The following GLI2 variants were observed in gnomAD, a reference collection of about 807,000 sequenced individuals.
The protein encoded by GLI2 is transcription activator GLI2.
In GLI2, 22 loss-of-function variants were observed where a neutral mutation model predicts 78.9. The observed-to-expected ratio is 0.28, with a 90% confidence interval of 0.20 to 0.40. The LOEUF is 0.40. GLI2 is among the 10% of genes least tolerant of loss of function. The probability of loss-of-function intolerance (pLI) is 1.00; values close to 1 mark genes in which losing one functional copy is unlikely to be tolerated. For synonymous variants in GLI2, 974 were observed against 963.7 expected, an observed-to-expected ratio of 1.01 and a Z score of -0.20; for missense variants, 2,097 against 2,213.2, an observed-to-expected ratio of 0.95 and a Z score of 1.05.
intron 4 of GLI2, 119 bp from the exon 5 acceptor site, chr2:120,955,118 AGAAACCCC>A (rs1231472635): frequency 5.7e-6 from 4 of 704,658 alleles, no homozygotes; most frequent in Middle Eastern, 3.6e-4. Flanking sequence ...TGCCGAGGAG[AGAAACCCC>A]GACACCAGGT....
intron 5 of GLI2, among the ~76,000 whole-genome samples, 161 bp from the exon 6 acceptor site, chr2:120,968,553 G>A (rs187231304): frequency 7.2e-4 from 109 of 152,300 alleles, no homozygotes; most frequent in African/African-American, 2.6e-3. Flanking sequence ...AACTGAGGCC[G>A]AGAGGTGACA....
At chr2:120,854,177 C>T (rs959164103) in intron 2 of GLI2, among the ~76,000 whole-genome samples, 1 of 152,130 alleles carries the variant, frequency 6.6e-6, no homozygotes, top group Non-Finnish European at 1.5e-5. Context: ...AGGGCAGGGC[C>T]GGGAGTCAAG....
intron 1 of GLI2, among the ~76,000 whole-genome samples, chr2:120,753,938 A>G (rs1027584729): frequency 2.0e-5 from 3 of 150,396 alleles, no homozygotes; most frequent in African/African-American, 7.3e-5. Flanking sequence ...AAAAACAACT[A>G]TTTCCTCTGC....
At chr2:120,832,574 C>G (rs1241502204) in intron 2 of GLI2, among the ~76,000 whole-genome samples, 1 of 152,192 alleles carries the variant, frequency 6.6e-6, no homozygotes, top group Non-Finnish European at 1.5e-5. Flanking sequence ...CCTCTCCCAC[C>G]CCCAGCCCAG....
chr2:120,795,947 T>C (rs1684370909), intron 1 of GLI2, among the ~76,000 whole-genome samples: 1 of 151,976 alleles, frequency 6.6e-6, no homozygotes, highest in Non-Finnish European at 1.5e-5. Context: ...TACTCAGGAT[T>C]GCAGGAGAAT....
intron 2 of GLI2, among the ~76,000 whole-genome samples, chr2:120,880,022 G>T (rs1305060049): frequency 1.3e-5 from 2 of 152,152 alleles, no homozygotes; most frequent in African/African-American, 4.8e-5. Context: ...GGAATAAATC[G>T]GTGTGGCCAG....
intron 2 of GLI2, among the ~76,000 whole-genome samples, chr2:120,892,397 C>T (rs575098408): frequency 6.6e-6 from 1 of 152,280 alleles, no homozygotes; most frequent in South Asian, 2.1e-4. Flanking sequence ...CTCTGTCTGC[C>T]CCTTGGAAAA....
At chr2:120,819,565 C>A (rs967722052) in intron 2 of GLI2, among the ~76,000 whole-genome samples, 1 of 152,092 alleles carries the variant, frequency 6.6e-6, no homozygotes, top group South Asian at 2.1e-4. Context: ...TATCCACCCT[C>A]GTTTTTAATC....
At chr2:120,893,361 G>A (rs1399294603) in intron 2 of GLI2, among the ~76,000 whole-genome samples, 1 of 151,892 alleles carries the variant, frequency 6.6e-6, no homozygotes, top group African/African-American at 2.4e-5. Context: ...TGGGGTATGT[G>A]TGTGGCTCTG....
intron 2 of GLI2, among the ~76,000 whole-genome samples, chr2:120,849,125 G>A (rs1043554502): frequency 8.5e-5 from 13 of 152,286 alleles, no homozygotes; most frequent in African/African-American, 3.1e-4. Context: ...AGGCCCCTAG[G>A]GTAGTCAAAT....
intron 1 of GLI2, among the ~76,000 whole-genome samples, chr2:120,765,471 T>C (rs1265492241): frequency 6.6e-6 from 1 of 152,068 alleles, no homozygotes; most frequent in Non-Finnish European, 1.5e-5. Context: ...GAAGGCCTGG[T>C]GTTGGGAGAG....
intron 1 of GLI2, among the ~76,000 whole-genome samples, chr2:120,768,375 G>T (rs570762411): frequency 1.3e-5 from 2 of 152,348 alleles, no homozygotes; most frequent in South Asian, 2.1e-4. Flanking sequence ...GACTTTCCAT[G>T]GGAAGGTGGG....
intron 2 of GLI2, among the ~76,000 whole-genome samples, chr2:120,916,187 A>G (rs567750965): frequency 1.3e-5 from 2 of 152,304 alleles, no homozygotes; most frequent in South Asian, 4.2e-4. Context: ...AGAAACCCCG[A>G]TATCAGGGCT....
In GLI2 at chr2:120,736,003, A is replaced by G. The variant is rs1682336697; in HGVS notation, c.-313A>G. Among the ~76,000 whole-genome samples, 1 of 151,770 alleles carries G rather than the reference A, an allele frequency of 6.6e-6. No individual in the cohort carries two copies. Among genetic ancestry groups the G allele is most frequent in the Non-Finnish European group, 1.5e-5 (1 of 67,920 alleles). On this transcript the variant is annotated 5_prime_UTR_variant, in exon 1 of 14. Transcript: ENST00000361492. ...CGGCTGCGACTGCGAACGCGGAGGA[A>G]GGCCAGGAGCCGCAGGAGGAGCCGG...
chr2:120,836,530 A>C (rs1686620071), intron 2 of GLI2, among the ~76,000 whole-genome samples: 1 of 152,154 alleles, frequency 6.6e-6, no homozygotes, highest in Non-Finnish European at 1.5e-5. Context: ...CATTGTTGCC[A>C]TGGGTGGCAC....
intron 2 of GLI2, among the ~76,000 whole-genome samples, chr2:120,821,902 C>T (rs993843430): frequency 6.6e-5 from 10 of 152,298 alleles, no homozygotes; most frequent in African/African-American, 2.4e-4. Context: ...GGGCTGCCAC[C>T]CGAGGCCCCC....
intron 9 of GLI2, among the ~76,000 whole-genome samples, chr2:120,977,718 C>T (rs907879079): frequency 2.0e-5 from 3 of 152,204 alleles, no homozygotes. Flanking sequence ...TGTCCCAACT[C>T]ACTTGCCTGG....
chr2:120,775,188 T>C (rs1172786615), intron 1 of GLI2, among the ~76,000 whole-genome samples: 1 of 152,190 alleles, frequency 6.6e-6, no homozygotes, highest in Non-Finnish European at 1.5e-5. Context: ...TGTGTAGATA[T>C]GGGCCCGCTC....
chr2:120,943,079 C>A (rs941606261), intron 3 of GLI2, among the ~76,000 whole-genome samples: 2 of 152,156 alleles, frequency 1.3e-5, no homozygotes, highest in Non-Finnish European at 2.9e-5. Context: ...TGAACAGAAA[C>A]GGATACAGGA....
Sources: allele counts gnomAD v4.1 joint callset (sites outside exome capture counted in the v4.1 genomes callset), GRCh38; gene constraint gnomAD v4.1.1; transcripts MANE v1.5; gene names NCBI Gene and HGNC (gene_info 2026-07-23, HGNC 2026-07-21).